FSTL1: variants seen among roughly 807,000 people sequenced by gnomAD.
FSTL1 encodes the protein follistatin-related protein 1.
A neutral mutation model predicts 45.9 loss-of-function variants in FSTL1; 24 were observed. That is an observed-to-expected ratio of 0.52 (90% confidence interval 0.38 to 0.74). The LOEUF (loss-of-function observed/expected upper bound fraction) is 0.74. Among genes scored for constraint, FSTL1 ranks in the 30% least tolerant of loss-of-function variants. The pLI, the probability that FSTL1 is intolerant of heterozygous loss-of-function variation, is 0.00. For missense variants in FSTL1, 340 were observed against 381.8 expected (o/e 0.89, Z 0.91); for synonymous variants, 120 against 137.6 (o/e 0.87, Z 0.89).
Position 120,403,286 on chromosome 3 carries a change from T to G in FSTL1, c.650A>C (p.Glu217Ala). 6.2e-7 allele frequency: 1 copy of G among 1,612,302 alleles called. No homozygotes were observed. Among genetic ancestry groups the G allele is most frequent in the Non-Finnish European group, 8.5e-7 (1 of 1,178,342 alleles). ...ENADWKLSFQ[E>A]FLKCLNPSFN... ...AGATGGGTTGAGGCACTTGAGAAACTCTTGGAAGCTGAGTTTCCAATCAGC... is the reference window on the plus strand; with the variant it reads ...AGATGGGTTGAGGCACTTGAGAAACGCTTGGAAGCTGAGTTTCCAATCAGC... The change falls in exon 8 of 11, where the codon GAG becomes GCG. Residue 217 changes from glutamate to alanine, a missense_variant. Transcript: ENST00000295633.
At chr3:120,450,299 G>C (rs1937856214) in intron 2 of FSTL1, among the ~76,000 whole-genome samples, 2 of 152,122 alleles carry the variant, frequency 1.3e-5, no homozygotes, top group Non-Finnish European at 2.9e-5. Flanking sequence ...GCCCCCAGGA[G>C]ACAGACTTGG....
At chr3:120,433,559 T>C (rs1327529129) in intron 2 of FSTL1, among the ~76,000 whole-genome samples, 1 of 152,248 alleles carries the variant, frequency 6.6e-6, no homozygotes, top group Non-Finnish European at 1.5e-5. Flanking sequence ...TAGAGATCCA[T>C]TGCAGAATGA....
At chr3:120,445,753 C>T (rs1440157207) in intron 2 of FSTL1, among the ~76,000 whole-genome samples, 6 of 149,782 alleles carry the variant, frequency 4.0e-5, no homozygotes, top group East Asian at 3.8e-4. Context: ...GTAGCTGCCA[C>T]GATTTAAAGC....
At chr3:120,431,260 C>T (rs1354910739) in intron 2 of FSTL1, among the ~76,000 whole-genome samples, 2 of 152,092 alleles carry the variant, frequency 1.3e-5, no homozygotes, top group East Asian at 1.9e-4. Context: ...TGTGAGCCAC[C>T]GCACCCGGCC....
intron 2 of FSTL1, among the ~76,000 whole-genome samples, chr3:120,424,965 C>T (rs1440067801): frequency 1.3e-5 from 2 of 151,912 alleles, no homozygotes; most frequent in African/African-American, 4.8e-5. Context: ...GAAATTGAGG[C>T]AGAGGAACAA....
chr3:120,414,716 T>C (rs1275971509), intron 3 of FSTL1, among the ~76,000 whole-genome samples: 1 of 151,470 alleles, frequency 6.6e-6, no homozygotes, highest in Non-Finnish European at 1.5e-5. Context: ...CTCTGAAACA[T>C]ATGCTGTGTC....
chr3:120,441,148 TTATCACATTTTCCA>T (rs1937623311), intron 2 of FSTL1: 1 of 152,254 alleles, frequency 6.6e-6, no homozygotes. Flanking sequence ...TTCCTTTGCA[TTATCACATTTTCCA>T]CACCAACAAT....
In FSTL1 at chr3:120,396,458, G is replaced by A. The variant is rs188768131; in HGVS notation, c.*494C>T. 3.5e-3 allele frequency: 549 copies of A among 156,630 alleles called. 3 individuals are homozygous for A. The highest frequency in any genetic ancestry group is 0.013 in the African/African-American group (531 of 41,560). 9.7% of individuals were successfully genotyped at this position (156,630 alleles called of 1,614,324 possible). ...TAGCAGTATGGCTATGTATCTAGAG[G>A]CAGTTATTGGGACCAAGAGATGCGT... On this transcript the variant is annotated 3_prime_UTR_variant, in exon 11 of 11. Transcript: ENST00000295633.
intron 2 of FSTL1, among the ~76,000 whole-genome samples, chr3:120,431,034 T>C (rs540862004): frequency 3.1e-4 from 47 of 152,184 alleles, no homozygotes; most frequent in Non-Finnish European, 6.2e-4. Flanking sequence ...TGCAGTGGCA[T>C]GATCTCAGCT....
At chr3:120,425,223 C>A (rs1159887358) in intron 2 of FSTL1, among the ~76,000 whole-genome samples, 1 of 152,086 alleles carries the variant, frequency 6.6e-6, no homozygotes, top group Non-Finnish European at 1.5e-5. Context: ...GGTATGAGAA[C>A]TCTGACAGCA....
intron 2 of FSTL1, among the ~76,000 whole-genome samples, chr3:120,431,509 C>T (rs1223963733): frequency 3.3e-5 from 5 of 152,186 alleles, no homozygotes; most frequent in Middle Eastern, 3.4e-3. Context: ...TAGTAGCTAT[C>T]GGCATTGAAC....
intron 2 of FSTL1, among the ~76,000 whole-genome samples, chr3:120,448,586 T>C (rs1186406833): frequency 6.6e-6 from 1 of 152,194 alleles, no homozygotes; most frequent in East Asian, 1.9e-4. Flanking sequence ...TACCCCTCAC[T>C]CTTTTCATTG....
chr3:120,396,901 C>T lies in FSTL1; in HGVS notation c.*51G>A, dbSNP rs1438577588. ...AGACACTTGTGTATACTGAACTCAG[C>T]GCTGAAGTGGAGAAGATGCTGGGAT... On this transcript the variant is annotated 3_prime_UTR_variant, in exon 11 of 11. Coordinates refer to ENST00000295633, the MANE Select transcript of FSTL1 (RefSeq NM_007085.5). 25 of 1,329,656 alleles carry T rather than the reference C, an allele frequency of 1.9e-5. No individual in the cohort carries two copies. Among genetic ancestry groups the T allele is most frequent in the East Asian group, 1.8e-4 (8 of 43,606 alleles). 82.4% of individuals were successfully genotyped at this position (1,329,656 alleles called of 1,614,324 possible).
intron 10 of FSTL1, among the ~76,000 whole-genome samples, chr3:120,398,507 G>A (rs549484219): frequency 6.6e-6 from 1 of 152,178 alleles, no homozygotes; most frequent in South Asian, 2.1e-4. Context: ...GGGAGTTCTT[G>A]TAGAAACAGC....
chr3:120,412,475 C>A (rs951712627), intron 3 of FSTL1, among the ~76,000 whole-genome samples: 4 of 152,150 alleles, frequency 2.6e-5, no homozygotes, highest in African/African-American at 9.7e-5. Flanking sequence ...AAGTTAGAGA[C>A]CAGGCCCTCA....
chr3:120,434,459 G>A (rs1026295574), intron 2 of FSTL1, among the ~76,000 whole-genome samples: 1 of 152,292 alleles, frequency 6.6e-6, no homozygotes, highest in South Asian at 2.1e-4. Flanking sequence ...AGGCCACTAA[G>A]ACCTGGGGTC....
intron 6 of FSTL1, among the ~76,000 whole-genome samples, chr3:120,407,004 A>C (rs1936960385): frequency 6.6e-6 from 1 of 152,228 alleles, no homozygotes; most frequent in South Asian, 2.1e-4. Flanking sequence ...AGTTTAAATC[A>C]TTTTGTGCAT....
chr3:120,412,028 G>T, intron 3 of FSTL1, 45 bp from the exon 4 acceptor site: 2 of 1,498,838 alleles, frequency 1.3e-6, no homozygotes, highest in South Asian at 1.2e-5. Context: ...TATGGATATC[G>T]ACACACAGAC....
At chr3:120,426,412 T>A (rs912967302) in intron 2 of FSTL1, among the ~76,000 whole-genome samples, 6 of 148,472 alleles carry the variant, frequency 4.0e-5, no homozygotes, top group African/African-American at 1.5e-4. Context: ...CCAAGTGGAA[T>A]GTAGGATTTA....
Sources: allele counts gnomAD v4.1 joint callset (sites outside exome capture counted in the v4.1 genomes callset), GRCh38; gene constraint gnomAD v4.1.1; transcripts MANE v1.5; gene names NCBI Gene and HGNC (gene_info 2026-07-23, HGNC 2026-07-21).